Variants in SSBP2 observed in about 807,000 individuals in gnomAD.
SSBP2 encodes the protein single stranded DNA binding protein 2.
SSBP2 carries 17 observed loss-of-function variants against 61.8 expected under a neutral mutation model. That is an observed-to-expected ratio of 0.28 (90% CI 0.19 to 0.41). SSBP2 has a LOEUF of 0.41. SSBP2 is among the 10% of genes least tolerant of loss of function. The pLI, the probability that SSBP2 is intolerant of heterozygous loss-of-function variation, is 1.00. For missense variants in SSBP2, 310 were observed against 458.7 expected (o/e 0.68, Z 2.96); for synonymous variants, 139 against 141.3 (o/e 0.98, Z 0.12).
chr5:81,565,565 CA>C (rs1419840162), intron 4 of SSBP2, among the ~76,000 whole-genome samples: 4 of 152,132 alleles, frequency 2.6e-5, no homozygotes, highest in African/African-American at 9.7e-5. Flanking sequence ...TCCTTAACCA[CA>C]AGTTTGTCTA....
chr5:81,478,311 C>A (rs1281253703), intron 6 of SSBP2, among the ~76,000 whole-genome samples: 2 of 151,912 alleles, frequency 1.3e-5, no homozygotes, highest in Non-Finnish European at 2.9e-5. Context: ...CAGATGCATG[C>A]CCCCACACCT....
chr5:81,627,800 G>A (rs186571744), intron 3 of SSBP2, among the ~76,000 whole-genome samples: 277 of 152,254 alleles, frequency 1.8e-3, no homozygotes, highest in African/African-American at 5.7e-3. Flanking sequence ...GCTCATGCCT[G>A]TAATCCCAGC....
intron 6 of SSBP2, among the ~76,000 whole-genome samples, chr5:81,478,219 T>C (rs889517505): frequency 6.6e-6 from 1 of 152,152 alleles, no homozygotes; most frequent in Non-Finnish European, 1.5e-5. Context: ...TGCAGTGCAG[T>C]GGTGTGATCA....
intron 5 of SSBP2, among the ~76,000 whole-genome samples, chr5:81,489,555 C>A (rs1004544784): frequency 6.6e-6 from 1 of 151,686 alleles, no homozygotes; most frequent in African/African-American, 2.4e-5. Context: ...GTAACTATAG[C>A]AAAATCTTTT....
chr5:81,740,419 GA>G (rs1283033797), intron 1 of SSBP2, among the ~76,000 whole-genome samples: 4 of 151,434 alleles, frequency 2.6e-5, no homozygotes, highest in Non-Finnish European at 5.9e-5. Context: ...AATTATAAAT[GA>G]CAAATAGCAC....
rs181981012 is a variant in SSBP2, at chr5:81,677,533, C to T, written c.63-27194G>A. ...CAAGTCCAAGAGTAAAAAAACTCCA[C>T]GGGGAACCAGTTACTGGAGAGGCCT... On this transcript the variant is annotated intron_variant, in intron 1 of 16. Transcript: ENST00000320672. Among the ~76,000 whole-genome samples, 426 of 152,258 alleles carry T rather than the reference C, an allele frequency of 2.8e-3. 1 individual carries two copies. Among genetic ancestry groups the T allele is most frequent in the African/African-American group, 9.3e-3 (387 of 41,556 alleles).
At chr5:81,424,258 T>C (rs1761806724) in intron 16 of SSBP2, among the ~76,000 whole-genome samples, 1 of 151,918 alleles carries the variant, frequency 6.6e-6, no homozygotes, top group Non-Finnish European at 1.5e-5. Context: ...ACCCCGTTTC[T>C]ACTAAAAATA....
rs145027887 is a variant in SSBP2, at chr5:81,648,372, G to A, written c.135+1895C>T. ...TTATACTGCATATATTCCTTCTATA[G>A]TAAAACAACTGAGTTCTTACATGTT... On this transcript the variant is annotated intron_variant, in intron 2 of 16. Coordinates refer to ENST00000320672, the MANE Select transcript of SSBP2 (RefSeq NM_012446.5). 3.1e-3 allele frequency among the ~76,000 whole-genome samples: 470 copies of A among 152,150 alleles called. 15 individuals are homozygous for A. Among genetic ancestry groups the A allele is most frequent in the Admixed American group, 0.028 (435 of 15,264 alleles).
chr5:81,498,819 G>A (rs1767484267), intron 5 of SSBP2, among the ~76,000 whole-genome samples: 3 of 151,922 alleles, frequency 2.0e-5, no homozygotes, highest in Non-Finnish European at 4.4e-5. Flanking sequence ...AGAATATTAC[G>A]TTGAAAAATC....
At chr5:81,614,359 C>CAAAAAAAAA (rs10659647) in intron 4 of SSBP2, among the ~76,000 whole-genome samples, 5 of 73,818 alleles carry the variant, frequency 6.8e-5, no homozygotes, top group Non-Finnish European at 1.3e-4. Context: ...GACTCCGTCT[C>CAAAAAAAAA]AAAAAAAAAA....
chr5:81,545,772 AAC>A (rs1771685833), intron 4 of SSBP2, among the ~76,000 whole-genome samples: 1 of 152,226 alleles, frequency 6.6e-6, no homozygotes, highest in Admixed American at 6.5e-5. Flanking sequence ...TGTGTTAATA[AAC>A]AGTCTTTAAT....
At chr5:81,591,352 T>C (rs549201874) in intron 4 of SSBP2, among the ~76,000 whole-genome samples, 2 of 152,314 alleles carry the variant, frequency 1.3e-5, no homozygotes, top group African/African-American at 4.8e-5. Context: ...ACCTTAGTTC[T>C]ACTGCTATAT....
chr5:81,748,654 AAGGCAAACC>A (rs1423149198), intron 1 of SSBP2, among the ~76,000 whole-genome samples: 3 of 152,256 alleles, frequency 2.0e-5, no homozygotes, highest in Non-Finnish European at 4.4e-5. Context: ...TTAAGTTCAT[AAGGCAAACC>A]AGTCAAGAAT....
Position 81,712,736 on chromosome 5 carries a change from T to TG in SSBP2, c.62+38244_62+38245insC, listed in dbSNP as rs992719123. Among the ~76,000 whole-genome samples, 19 of 149,514 alleles carry TG rather than the reference T, an allele frequency of 1.3e-4. 1 individual carries two copies. The highest frequency in any genetic ancestry group is 1.9e-4 in the East Asian group (1 of 5,150). ...TTTTTGTTTGTTTCTTTGTTTTTTT[T>TG]TTTTTGTTTTTTTTGACACAGGGTC... On this transcript the variant is annotated intron_variant, in intron 1 of 16. Coordinates refer to ENST00000320672, the MANE Select transcript of SSBP2 (RefSeq NM_012446.5).
chr5:81,585,917 T>C (rs1315452120), intron 4 of SSBP2, among the ~76,000 whole-genome samples: 1 of 152,190 alleles, frequency 6.6e-6, no homozygotes, highest in Non-Finnish European at 1.5e-5. Context: ...GTGCCTGGCT[T>C]CATACACTTA....
At chr5:81,713,241 A>G (rs1041201472) in intron 1 of SSBP2, among the ~76,000 whole-genome samples, 1 of 152,120 alleles carries the variant, frequency 6.6e-6, no homozygotes, top group African/African-American at 2.4e-5. Flanking sequence ...GAAAAAGTTT[A>G]CAAACAGGAG....
chr5:81,747,412 A>C (rs1757427113), intron 1 of SSBP2, among the ~76,000 whole-genome samples: 1 of 152,172 alleles, frequency 6.6e-6, no homozygotes, highest in African/African-American at 2.4e-5. Flanking sequence ...GGAGGAAAAA[A>C]AAAGCAACTG....
chr5:81,689,109 A>G (rs1753023460), intron 1 of SSBP2, among the ~76,000 whole-genome samples: 1 of 152,048 alleles, frequency 6.6e-6, no homozygotes, highest in African/African-American at 2.4e-5. Flanking sequence ...AGAGTCTCTT[A>G]ACACCAGAAT....
chr5:81,724,025 C>A (rs1228872838), intron 1 of SSBP2, among the ~76,000 whole-genome samples: 1 of 152,034 alleles, frequency 6.6e-6, no homozygotes, highest in Non-Finnish European at 1.5e-5. Flanking sequence ...GTCTTCTCTG[C>A]TGCTTTCAAT....
Sources: gnomAD v4.1 joint callset for allele counts (sites outside exome capture counted in the v4.1 genomes callset) on GRCh38, gnomAD v4.1.1 for gene constraint, MANE v1.5 for transcripts, NCBI Gene and HGNC (gene_info 2026-07-23, HGNC 2026-07-21) for gene names.